ILDR1: variants seen among roughly 807,000 people sequenced by gnomAD.
ILDR1 encodes immunoglobulin like domain containing receptor 1, also known as immunoglobulin-like domain-containing receptor 1.
In ILDR1, 56 loss-of-function variants were observed where a neutral mutation model predicts 62.4. The ratio of observed to expected loss-of-function variants is 0.90; its 90% confidence interval spans 0.72 to 1.12. The LOEUF is 1.12. Among genes scored for constraint, ILDR1 ranks in the 50% most tolerant of loss-of-function variants. The pLI, the probability that ILDR1 is intolerant of heterozygous loss-of-function variation, is 0.00. For synonymous variants in ILDR1, 284 were observed against 277.8 expected (o/e 1.02, Z -0.22); for missense variants, 736 against 710.6 (o/e 1.04, Z -0.41).
At chr3:122,041,470 G>A in the ILDR1 span, among the ~76,000 whole-genome samples, 2 of 152,150 alleles carry the variant, frequency 1.3e-5, no homozygotes, top group East Asian at 1.9e-4. Flanking sequence ...GAAGCCATGA[G>A]AAATAAATTT....
chr3:122,051,461 G>C, the ILDR1 span, among the ~76,000 whole-genome samples: 1 of 151,720 alleles, frequency 6.6e-6, no homozygotes, highest in Non-Finnish European at 1.5e-5. Context: ...GCATTCTTTG[G>C]CTCCAAAATT....
chr3:122,022,463 C>T (rs1272010039), upstream of ILDR1, among the ~76,000 whole-genome samples: 1 of 152,218 alleles, frequency 6.6e-6, no homozygotes, highest in Non-Finnish European at 1.5e-5. Flanking sequence ...GCAAATGTAT[C>T]CCCCTCTCCT....
At chr3:122,040,723 C>CAA in the ILDR1 span, among the ~76,000 whole-genome samples, 3 of 65,398 alleles carry the variant, frequency 4.6e-5, no homozygotes, top group East Asian at 1.5e-3. Flanking sequence ...AATCCAGATG[C>CAA]AAAAAAAAAA....
chr3:121,993,328 G>C lies in ILDR1; in HGVS notation c.1421C>G (p.Ser474Cys). The C allele has an allele frequency of 6.2e-7, 1 of 1,610,692 alleles. No individual in the cohort carries two copies. The highest frequency in any genetic ancestry group is 8.5e-7 in the Non-Finnish European group (1 of 1,177,482). The change falls in exon 7 of 8, where the codon TCC (serine) becomes TGC (cysteine). Residue 474 changes from serine to cysteine, a missense_variant. By Grantham distance (112) the Ser-to-Cys change is moderately radical. Transcript: ENST00000344209. ...TTCAGAGCTCCAGGAACTGAGGCCG[G>C]AGGGCAAGGGAGGAGAGTAGCTGCG... ...RHRSYSPPLP[S>C]GLSSWSSEED... is the part of the protein sequence containing the mutation.
At chr3:122,024,871 C>G (rs930406531), upstream of ILDR1, among the ~76,000 whole-genome samples, 4 of 152,206 alleles carry the variant, frequency 2.6e-5, no homozygotes, top group Admixed American at 6.5e-5. Flanking sequence ...TTCCATCTGT[C>G]TGTGTTTACA....
rs567262350 is a variant in ILDR1 at position 121,988,421 on chromosome 3, A to G, written c.1600-13T>C. 117 of 1,611,230 alleles carry G rather than the reference A, an allele frequency of 7.3e-5. 1 individual carries two copies. In the South Asian group the frequency reaches 1.2e-3, roughly 16 times the overall value. On this transcript the variant is annotated splice_polypyrimidine_tract_variant and intron_variant, in intron 7 of 7. Transcript: ENST00000344209. ...AGCTGTCTTTCTCCTGGGAAATAGA[A>G]GAATACACACACAAAAAAAATCCAG... is the stretch of plus-strand genomic sequence containing the variant.
the ILDR1 span, among the ~76,000 whole-genome samples, chr3:122,029,508 A>AC: frequency 8.0e-6 from 1 of 125,770 alleles, no homozygotes; most frequent in Non-Finnish European, 1.7e-5. Context: ...TCCGTCTAAA[A>AC]AAAATATATA....
the ILDR1 span, among the ~76,000 whole-genome samples, chr3:122,056,484 A>G: frequency 0.033 from 5,069 of 152,120 alleles, 267 homozygotes; most frequent in African/African-American, 0.12. Context: ...ACAGGCGCCC[A>G]CCACCACGCC....
chr3:121,994,233 C>T lies in ILDR1; in HGVS notation c.727G>A (p.Asp243Asn). Residue 243 changes from aspartate to asparagine, a missense_variant, in exon 6 of 8, where the codon GAC becomes AAC. Coordinates refer to ENST00000344209, the MANE Select transcript of ILDR1 (RefSeq NM_001199799.2). ...MMGKPLYWGA[D>N]RSSQVSSYPM... ...TAAGATGAAACCTGGGAGCTCCTGTCCGCCCCCCAGTACAGGGGTTTTCCC... is the reference window on the plus strand; with the variant it reads ...TAAGATGAAACCTGGGAGCTCCTGTTCGCCCCCCAGTACAGGGGTTTTCCC... 6.5e-7 allele frequency: 1 copy of T among 1,536,086 alleles called. No homozygotes were observed. The highest frequency in any genetic ancestry group is 1.2e-5 in the South Asian group (1 of 84,050).
At chr3:122,050,063 T>C in the ILDR1 span, among the ~76,000 whole-genome samples, 1 of 152,248 alleles carries the variant, frequency 6.6e-6, no homozygotes, top group Non-Finnish European at 1.5e-5. Context: ...GTCTATTTTA[T>C]CTTTTGTAGG....
Position 121,993,556 on chromosome 3 carries a change from G to A in ILDR1, c.1193C>T (p.Ser398Leu), listed in dbSNP as rs369610198. The change falls in exon 7 of 8, where the codon TCG (serine) becomes TTG (leucine). Residue 398 changes from serine (S) to leucine (L), a missense_variant. By Grantham distance (145) the Ser-to-Leu change is moderately radical (BLOSUM62 -2). Coordinates refer to ENST00000344209, the MANE Select transcript of ILDR1 (RefSeq NM_001199799.2). ...AGAGCTACGGTGCCTTCCACTCCAC[G>A]ATGGGTCCAACTCCCTTCTTTCCAA... is the stretch of plus-strand genomic sequence containing the variant. ...WALERRELDP[S>L]WSGRHRSSRL... 18 of 1,614,076 alleles carry A rather than the reference G, an allele frequency of 1.1e-5. No homozygotes were observed. Among genetic ancestry groups the A allele is most frequent in the South Asian group, 4.4e-5 (4 of 91,094 alleles).
In ILDR1 at chr3:121,988,353, G is replaced by A. The variant is rs2071283359; in HGVS notation, c.*14C>T. 2 of 1,610,822 alleles carry A rather than the reference G, an allele frequency of 1.2e-6. No individual in the cohort carries two copies. Among genetic ancestry groups the A allele is most frequent in the East Asian group, 2.2e-5 (1 of 44,874 alleles). ...GCCGAGAAGTAGCCACAGAAGTTGT[G>A]CTGTGCTTGGTGACTAAATGACCAC... On this transcript the variant is annotated 3_prime_UTR_variant, in exon 8 of 8. Transcript: ENST00000344209.
At chr3:122,037,667 G>A in the ILDR1 span, among the ~76,000 whole-genome samples, 4 of 152,126 alleles carry the variant, frequency 2.6e-5, no homozygotes, top group African/African-American at 9.7e-5. Flanking sequence ...AGTTAATGCT[G>A]AAATGAGTTA....
At chr3:122,008,032 C>T (rs764149598) in intron 1 of ILDR1, among the ~76,000 whole-genome samples, 1 of 152,162 alleles carries the variant, frequency 6.6e-6, no homozygotes, top group East Asian at 1.9e-4. Flanking sequence ...AATACCAGTG[C>T]CCAGTACTGT....
At chr3:122,047,344 A>C in the ILDR1 span, among the ~76,000 whole-genome samples, 2 of 152,234 alleles carry the variant, frequency 1.3e-5, no homozygotes, top group African/African-American at 4.8e-5. Context: ...GGGACACTTA[A>C]GTCTGCAGAG....
At chr3:122,018,709 G>A (rs1304181656) in intron 1 of ILDR1, among the ~76,000 whole-genome samples, 1 of 152,162 alleles carries the variant, frequency 6.6e-6, no homozygotes, top group East Asian at 1.9e-4. Flanking sequence ...AACTGGCTGG[G>A]AGGGGAAGAT....
chr3:122,019,866 G>C (rs915618426), intron 1 of ILDR1, among the ~76,000 whole-genome samples: 2 of 152,208 alleles, frequency 1.3e-5, no homozygotes, highest in African/African-American at 4.8e-5. Flanking sequence ...CTCTAGTACA[G>C]GGTTTTCCAA....
upstream of ILDR1, among the ~76,000 whole-genome samples, chr3:122,026,601 A>G (rs1025768881): frequency 2.0e-5 from 3 of 152,250 alleles, no homozygotes; most frequent in Non-Finnish European, 4.4e-5. Flanking sequence ...GGACACCTTT[A>G]TTAAGCACAA....
the ILDR1 span, among the ~76,000 whole-genome samples, chr3:122,039,790 G>T: frequency 6.6e-6 from 1 of 151,940 alleles, no homozygotes; most frequent in Non-Finnish European, 1.5e-5. Context: ...AGAATTGATT[G>T]TTTAAAGCAA....
Sources: allele counts gnomAD v4.1 joint callset (sites outside exome capture counted in the v4.1 genomes callset), GRCh38; gene constraint gnomAD v4.1.1; transcripts MANE v1.5; gene names NCBI Gene and HGNC (gene_info 2026-07-23, HGNC 2026-07-21).